The following PELI2 variants were observed in gnomAD, a reference collection of about 807,000 sequenced individuals.
PELI2 encodes the protein E3 ubiquitin-protein ligase pellino homolog 2.
PELI2 carries 23 observed loss-of-function variants against 42.3 expected under a neutral mutation model. That is an observed-to-expected ratio of 0.54 (90% CI 0.39 to 0.77). The LOEUF (loss-of-function observed/expected upper bound fraction) is 0.77. PELI2 is among the 30% of genes least tolerant of loss of function. PELI2 has a pLI of 0.00. For missense variants in PELI2, 463 were observed against 553.2 expected (o/e 0.84, Z 1.64); for synonymous variants, 245 against 212.2 (o/e 1.15, Z -1.34).
intron 2 of PELI2, among the ~76,000 whole-genome samples, chr14:56,239,849 T>G (rs1267670565): frequency 6.6e-6 from 1 of 152,208 alleles, no homozygotes; most frequent in Non-Finnish European, 1.5e-5. Context: ...TCTACATTTT[T>G]TCATCCATAA....
intron 1 of PELI2, among the ~76,000 whole-genome samples, chr14:56,134,322 CAT>C (rs1406507113): frequency 6.6e-6 from 1 of 152,200 alleles, no homozygotes; most frequent in Non-Finnish European, 1.5e-5. Flanking sequence ...CAAACTGAAA[CAT>C]ATTTTGACAG....
chr14:56,233,335 A>C (rs76727584), intron 2 of PELI2, among the ~76,000 whole-genome samples: 61,123 of 151,884 alleles, frequency 0.4, 12,991 homozygotes, highest in South Asian at 0.53. Context: ...GGAGGCATCA[A>C]GCTACCTAAC....
At chr14:56,245,390 T>C (rs1419259780) in intron 2 of PELI2, among the ~76,000 whole-genome samples, 1 of 152,180 alleles carries the variant, frequency 6.6e-6, no homozygotes, top group Non-Finnish European at 1.5e-5. Flanking sequence ...ATACTTAAAA[T>C]TAATTTAAAA....
At chr14:56,146,338 T>C (rs955083103) in intron 1 of PELI2, among the ~76,000 whole-genome samples, 1 of 152,170 alleles carries the variant, frequency 6.6e-6, no homozygotes, top group African/African-American at 2.4e-5. Flanking sequence ...AACTGGGACA[T>C]TGAGAAAGAA....
At chr14:56,153,345 G>A (rs1207172650) in intron 1 of PELI2, among the ~76,000 whole-genome samples, 1 of 152,162 alleles carries the variant, frequency 6.6e-6, no homozygotes, top group Non-Finnish European at 1.5e-5. Flanking sequence ...TGTGGTTCCT[G>A]CTCTTAATTG....
chr14:56,183,031 C>T (rs1885642444), intron 2 of PELI2, among the ~76,000 whole-genome samples: 1 of 152,136 alleles, frequency 6.6e-6, no homozygotes. Flanking sequence ...CTTTTAATAA[C>T]TGAGTTTTAA....
Position 56,284,901 on chromosome 14 carries a change from G to A in PELI2, c.310-3536G>A, listed in dbSNP as rs545437969. Among the ~76,000 whole-genome samples the A allele has an allele frequency of 1.3e-4, 20 of 152,272 alleles. 2 individuals carry two copies. The South Asian group carries it at 3.5e-3, about 27-fold the overall frequency. On this transcript the variant is annotated intron_variant, in intron 3 of 5. Transcript: ENST00000267460. Reference sequence around the variant, plus strand: ...CCTCTGGGCAGAGGAAACAGTGAGCGCAAAGGCTCCAAGTCAAGATCACAG... The same window carrying A: ...CCTCTGGGCAGAGGAAACAGTGAGCACAAAGGCTCCAAGTCAAGATCACAG...
chr14:56,162,631 A>G (rs1884807306), intron 1 of PELI2, among the ~76,000 whole-genome samples: 1 of 152,168 alleles, frequency 6.6e-6, no homozygotes, highest in Non-Finnish European at 1.5e-5. Context: ...TATACCCAGT[A>G]GTGAGATTGC....
At chr14:56,171,484 T>C (rs1450408968) in intron 1 of PELI2, among the ~76,000 whole-genome samples, 1 of 152,182 alleles carries the variant, frequency 6.6e-6, no homozygotes, top group Non-Finnish European at 1.5e-5. Context: ...GGTATTCTGT[T>C]ATAGCAGCAC....
At chr14:56,204,959 G>A (rs1184672624) in intron 2 of PELI2, among the ~76,000 whole-genome samples, 1 of 151,556 alleles carries the variant, frequency 6.6e-6, no homozygotes, top group East Asian at 1.9e-4. Flanking sequence ...TGACATGGGA[G>A]GCGGAGGGTG....
At chr14:56,132,921 C>T (rs242395) in intron 1 of PELI2, among the ~76,000 whole-genome samples, 15,681 of 151,938 alleles carry the variant, frequency 0.1, 1,049 homozygotes, top group East Asian at 0.29. Context: ...TAGCTTTCTT[C>T]GCTAAAAAAT....
chr14:56,137,459 C>T (rs1206418437), intron 1 of PELI2, among the ~76,000 whole-genome samples: 1 of 152,182 alleles, frequency 6.6e-6, no homozygotes, highest in African/African-American at 2.4e-5. Context: ...TTTCCAGGTT[C>T]CCTTGACGGT....
intron 2 of PELI2, among the ~76,000 whole-genome samples, chr14:56,196,092 A>G (rs979353459): frequency 6.6e-6 from 1 of 152,234 alleles, no homozygotes; most frequent in East Asian, 1.9e-4. Flanking sequence ...TATGACTGTG[A>G]TTTTTAAGTA....
At chr14:56,158,185 G>A (rs1041470677) in intron 1 of PELI2, among the ~76,000 whole-genome samples, 15 of 151,710 alleles carry the variant, frequency 9.9e-5, no homozygotes, top group African/African-American at 3.4e-4. Context: ...GCATCACCAC[G>A]CCTGGCTAAT....
At chr14:56,138,741 A>T (rs1883778577) in intron 1 of PELI2, among the ~76,000 whole-genome samples, 1 of 152,202 alleles carries the variant, frequency 6.6e-6, no homozygotes, top group Admixed American at 6.5e-5. Flanking sequence ...CATAACTAAA[A>T]TATATAGTAA....
intron 2 of PELI2, among the ~76,000 whole-genome samples, chr14:56,195,290 A>G (rs1288423676): frequency 1.3e-5 from 2 of 152,088 alleles, no homozygotes; most frequent in East Asian, 3.9e-4. Context: ...TACTTGTCAT[A>G]TTGTGTCTTT....
At chr14:56,291,522 AAAAG>A (rs1889829812) in intron 5 of PELI2, among the ~76,000 whole-genome samples, 1 of 152,252 alleles carries the variant, frequency 6.6e-6, no homozygotes, top group Non-Finnish European at 1.5e-5. Context: ...TTTCTAAAAA[AAAAG>A]CAAATTCAAT....
At chr14:56,212,670 G>A (rs1307954839) in intron 2 of PELI2, among the ~76,000 whole-genome samples, 2 of 152,218 alleles carry the variant, frequency 1.3e-5, no homozygotes, top group Non-Finnish European at 2.9e-5. Flanking sequence ...CAGCTGCACT[G>A]CCAAGCTCGT....
chr14:56,160,807 G>C (rs1409281863), intron 1 of PELI2, among the ~76,000 whole-genome samples: 1 of 152,164 alleles, frequency 6.6e-6, no homozygotes, highest in African/African-American at 2.4e-5. Context: ...AACTGAATTT[G>C]TAACTGTGTT....
Sources: allele counts gnomAD v4.1 joint callset (sites outside exome capture counted in the v4.1 genomes callset), GRCh38; gene constraint gnomAD v4.1.1; transcripts MANE v1.5; gene names NCBI Gene and HGNC (gene_info 2026-07-23, HGNC 2026-07-21).